The following FRK variants were observed in gnomAD, a reference collection of about 807,000 sequenced individuals.
FRK encodes the protein tyrosine-protein kinase FRK.
Under a neutral mutation model 56.4 loss-of-function variants are expected in FRK, and 51 were observed. The ratio of observed to expected loss-of-function variants is 0.90; its 90% CI spans 0.72 to 1.14. The LOEUF is 1.14. Among genes scored for constraint, FRK ranks in the 50% most tolerant of loss-of-function variants. The pLI, the probability that FRK is intolerant of heterozygous loss-of-function variation, is 0.00. For missense variants in FRK, 570 were observed against 601.4 expected, an observed-to-expected ratio of 0.95 and a Z score of 0.55; for synonymous variants, 245 against 217.9, an observed-to-expected ratio of 1.12 and a Z score of -1.10.
At chr6:115,946,378 T>A (rs1417809859) in intron 5 of FRK, among the ~76,000 whole-genome samples, 1 of 152,200 alleles carries the variant, frequency 6.6e-6, no homozygotes, top group Non-Finnish European at 1.5e-5. Flanking sequence ...CTTTATGGTA[T>A]TCGTTGTTAA....
intron 1 of FRK, among the ~76,000 whole-genome samples, chr6:116,009,216 C>T (rs1358590100): frequency 1.3e-5 from 2 of 152,214 alleles, no homozygotes; most frequent in East Asian, 1.9e-4. Flanking sequence ...TCTGTTCATA[C>T]ATCCAGTAAG....
chr6:115,988,418 T>C (rs1210473253), intron 2 of FRK, among the ~76,000 whole-genome samples: 1 of 152,054 alleles, frequency 6.6e-6, no homozygotes, highest in African/African-American at 2.4e-5. Context: ...AAACTGCTAC[T>C]GTATGGAAGT....
At chr6:115,958,655 A>G (rs1441421102) in intron 4 of FRK, among the ~76,000 whole-genome samples, 2 of 2,452 alleles carry the variant, frequency 8.2e-4, no homozygotes, top group Admixed American at 4.2e-3. Flanking sequence ...AAAGAAAGAA[A>G]GAAAGAAAGA....
intron 2 of FRK, among the ~76,000 whole-genome samples, 192 bp from the exon 3 acceptor site, chr6:115,968,931 G>T (rs1031286669): frequency 6.6e-6 from 1 of 152,058 alleles, no homozygotes; most frequent in Non-Finnish European, 1.5e-5. Flanking sequence ...TGAGAACTGG[G>T]AAACAATACT....
At chr6:116,084,460 C>T in the FRK span, among the ~76,000 whole-genome samples, 1 of 152,172 alleles carries the variant, frequency 6.6e-6, no homozygotes, top group Non-Finnish European at 1.5e-5. Flanking sequence ...GCTTTGCTCA[C>T]ATGTCTGGCA....
intron 2 of FRK, among the ~76,000 whole-genome samples, chr6:115,983,214 A>G (rs1774272975): frequency 6.6e-6 from 1 of 152,160 alleles, no homozygotes; most frequent in Non-Finnish European, 1.5e-5. Context: ...GTTTATGAAG[A>G]GATCAAGTAA....
chr6:115,975,332 T>TAAATACAAAAAAAAAAAAAA (rs1773953100), intron 2 of FRK, among the ~76,000 whole-genome samples: 1 of 152,168 alleles, frequency 6.6e-6, no homozygotes, highest in Admixed American at 6.6e-5. Flanking sequence ...ATGTATTATT[T>TAAATACAAAAAAAAAAAAAA]AAAAATAAGA....
intron 2 of FRK, among the ~76,000 whole-genome samples, chr6:115,984,811 G>A (rs1376314729): frequency 6.6e-6 from 1 of 150,948 alleles, no homozygotes; most frequent in African/African-American, 2.4e-5. Context: ...CACATGATCA[G>A]TATCCACTTC....
chr6:116,055,252 T>C (rs567005065), intron 1 of FRK, among the ~76,000 whole-genome samples: 116 of 152,318 alleles, frequency 7.6e-4, no homozygotes, highest in Non-Finnish European at 1.4e-3. Flanking sequence ...CAGGAAAATA[T>C]GGCCTAAATA....
At chr6:115,951,921 C>T (rs1772769898) in intron 5 of FRK, among the ~76,000 whole-genome samples, 1 of 152,048 alleles carries the variant, frequency 6.6e-6, no homozygotes, top group South Asian at 2.1e-4. Context: ...AATTATATTC[C>T]ATTACTCAAG....
chr6:115,980,829 A>G (rs1774171530), intron 2 of FRK, among the ~76,000 whole-genome samples: 1 of 152,098 alleles, frequency 6.6e-6, no homozygotes, highest in African/African-American at 2.4e-5. Flanking sequence ...AGTGAGAAGC[A>G]CAATGTGTTT....
At chr6:116,015,531 G>A (rs1775617464) in intron 1 of FRK, among the ~76,000 whole-genome samples, 1 of 152,162 alleles carries the variant, frequency 6.6e-6, no homozygotes, top group Non-Finnish European at 1.5e-5. Flanking sequence ...AGCAACTTTG[G>A]AACTAGGTAA....
At chr6:116,074,606 C>T in the FRK span, among the ~76,000 whole-genome samples, 1 of 152,068 alleles carries the variant, frequency 6.6e-6, no homozygotes, top group Admixed American at 6.6e-5. Flanking sequence ...AATATTGAAA[C>T]TGCCATGAGG....
chr6:115,978,488 G>A (rs112740023), intron 2 of FRK, among the ~76,000 whole-genome samples: 1 of 152,254 alleles, frequency 6.6e-6, no homozygotes, highest in African/African-American at 2.4e-5. Flanking sequence ...AGCCAGATTT[G>A]GCACTGTGCC....
chr6:116,076,017 T>C, the FRK span, among the ~76,000 whole-genome samples: 1 of 152,228 alleles, frequency 6.6e-6, no homozygotes, highest in African/African-American at 2.4e-5. Flanking sequence ...AAATTCCTTC[T>C]GCAACACAGA....
chr6:115,946,205 G>T (rs905720335), intron 5 of FRK, among the ~76,000 whole-genome samples: 1 of 152,066 alleles, frequency 6.6e-6, no homozygotes, highest in South Asian at 2.1e-4. Context: ...GCCCTGACTT[G>T]AGAGGCAGCT....
At chr6:116,090,709 T>C in the FRK span, among the ~76,000 whole-genome samples, 3 of 152,148 alleles carry the variant, frequency 2.0e-5, no homozygotes, top group African/African-American at 7.2e-5. Flanking sequence ...GACCTCTCAA[T>C]AGTATGTTAG....
At chr6:115,952,817 C>G (rs1322611846) in intron 5 of FRK, among the ~76,000 whole-genome samples, 2 of 150,798 alleles carry the variant, frequency 1.3e-5, no homozygotes, top group African/African-American at 2.4e-5. Context: ...TAAACCATCG[C>G]AAGGACAAAA....
intron 5 of FRK, among the ~76,000 whole-genome samples, chr6:115,952,669 A>G (rs1477109440): frequency 2.6e-5 from 4 of 151,346 alleles, no homozygotes; most frequent in Non-Finnish European, 5.9e-5. Context: ...CTTGGAACCA[A>G]CCCAAATGTC....
Sources: gnomAD v4.1 joint callset for allele counts (sites outside exome capture counted in the v4.1 genomes callset) on GRCh38, gnomAD v4.1.1 for gene constraint, MANE v1.5 for transcripts, NCBI Gene and HGNC (gene_info 2026-07-23, HGNC 2026-07-21) for gene names.